GPRC5B: variants seen among roughly 807,000 people sequenced by gnomAD.
GPRC5B encodes G protein-coupled receptor class C group 5 member B, also known as G protein-coupled receptor family C group 5 member B.
A neutral mutation model predicts 30.1 loss-of-function variants in GPRC5B; 16 were observed. The observed-to-expected ratio is 0.53, with a 90% confidence interval of 0.36 to 0.81. The LOEUF is 0.81. GPRC5B is among the 30% of genes least tolerant of loss of function. The pLI is 0.01. For synonymous variants in GPRC5B, 241 were observed against 239.5 expected (o/e 1.01, Z -0.06); for missense variants, 428 against 544.7 (o/e 0.79, Z 2.13).
chr16:19,872,240 C>T lies in GPRC5B; in HGVS notation c.606G>A (p.Met202Ile). The T allele has an allele frequency of 6.2e-7, 1 of 1,614,172 alleles. No individual in the cohort carries two copies. The highest frequency in any genetic ancestry group is 8.5e-7 in the Non-Finnish European group (1 of 1,180,030). ...ACAYEPMDFV[M>I]ALIYDMVLLV... ...GCAGTACCATGTCGTAGATGAGGGCCATCACAAAGTCCATGGGCTCGTAGG... is the reference window on the plus strand; with the variant it reads ...GCAGTACCATGTCGTAGATGAGGGCTATCACAAAGTCCATGGGCTCGTAGG... Residue 202 changes from methionine to isoleucine, a missense_variant, in exon 2 of 4, where the codon ATG (methionine) becomes ATA (isoleucine). This residue lies in a region of GPRC5B where 196 missense variants were observed against 272.6 expected (regional missense o/e 0.72). Transcript: ENST00000300571. This position sits in a 1 kb window ranked among gnomAD's most constrained non-coding sequence, Gnocchi z 5.0.
chr16:19,870,330 G>C (rs2056705730), intron 2 of GPRC5B, among the ~76,000 whole-genome samples: 1 of 152,160 alleles, frequency 6.6e-6, no homozygotes, highest in South Asian at 2.1e-4. Flanking sequence ...GAAACCACCT[G>C]CACTGGAGCC....
chr16:19,880,309 C>T (rs1349794911), intron 1 of GPRC5B, among the ~76,000 whole-genome samples: 3 of 150,790 alleles, frequency 2.0e-5, no homozygotes, highest in Admixed American at 1.3e-4. Flanking sequence ...ATTTGTCCAC[C>T]GCTGGTTTCC....
At position 19,877,770 on chromosome 16, in the gene GPRC5B, G is replaced by T. The variant is rs372419677; in HGVS notation, c.-1-4924C>A. 9.2e-5 allele frequency among the ~76,000 whole-genome samples: 14 copies of T among 152,276 alleles called. No homozygotes were observed. In the East Asian group the frequency reaches 2.5e-3, roughly 27 times the overall value. On this transcript the variant is annotated intron_variant, in intron 1 of 3. Coordinates refer to ENST00000300571, the MANE Select transcript of GPRC5B (RefSeq NM_016235.3). The stretch of plus-strand genomic sequence containing the variant: ...AGGGAAGACAGCAGGCTTGTCCAAG[G>T]TCACGCAGCTACAAAGGGGAGAGGC...
Position 19,872,897 on chromosome 16 carries a change from T to G in GPRC5B, c.-1-51A>C. On this transcript the variant is annotated intron_variant, in intron 1 of 3. Coordinates refer to ENST00000300571, the MANE Select transcript of GPRC5B (RefSeq NM_016235.3). The surrounding 1 kb of genome is among the most constrained non-coding windows in gnomAD (Gnocchi z 5.0). ...TGGGGGGAAGGAAAGATGAATTCAT[T>G]GGAAGACTCCCCCTCTCCTGACTTC... is the stretch of plus-strand genomic sequence containing the variant. The G allele has an allele frequency of 2.2e-6, 3 of 1,341,138 alleles. No individual in the cohort carries two copies. The highest frequency in any genetic ancestry group is 3.2e-6 in the Non-Finnish European group (3 of 950,310). The allele number at this position is 1,341,138 out of a possible 1,614,324, so 83.1% of individuals were successfully genotyped here.
rs1376157554 is a variant in GPRC5B at position 19,857,430 on chromosome 16, ATTTC to A, written c.*3066_*3069del. Reference sequence around the variant, plus strand: ...TATGGTACATATTGATTGTCTTGAAATTTCTTTAACTTCTTTTTTATAAGTATGC... The same window carrying A: ...TATGGTACATATTGATTGTCTTGAAATTTAACTTCTTTTTTATAAGTATGC... On this transcript the variant is annotated 3_prime_UTR_variant, in exon 4 of 4. Transcript: ENST00000300571. The A allele has an allele frequency of 4.5e-6, 2 of 440,394 alleles. No homozygotes were observed. The highest frequency in any genetic ancestry group is 7.2e-5 in the East Asian group (1 of 13,986). The allele number at this position is 440,394 out of a possible 1,614,324, so 27.3% of individuals were successfully genotyped here.
chr16:19,875,602 A>T (rs2056754353), intron 1 of GPRC5B, among the ~76,000 whole-genome samples: 1 of 151,988 alleles, frequency 6.6e-6, no homozygotes, highest in African/African-American at 2.4e-5. Context: ...GTATGGTGAA[A>T]CCCTGTCTCT....
At chr16:19,861,603 C>G (rs1334929207) in intron 3 of GPRC5B, among the ~76,000 whole-genome samples, 1 of 152,202 alleles carries the variant, frequency 6.6e-6, no homozygotes, top group East Asian at 1.9e-4. Flanking sequence ...GGATTACAAA[C>G]TCTTTCAAAC....
In GPRC5B at chr16:19,856,873, G is replaced by C. The variant is rs2056569350; in HGVS notation, c.*3627C>G. ...CTCTAGTCCCAAGGAATACAGAAGT[G>C]CTCTTATTACCAGTTTTCCCACTTG... On this transcript the variant is annotated 3_prime_UTR_variant, in exon 4 of 4. Transcript: ENST00000300571. 1 of 242,060 alleles carries C rather than the reference G, an allele frequency of 4.1e-6. No homozygotes were observed. Among genetic ancestry groups the C allele is most frequent in the African/African-American group, 2.3e-5 (1 of 43,932 alleles). The allele number at this position is 242,060 out of a possible 1,614,324, so 15.0% of individuals were successfully genotyped here.
rs2056571137 is a variant in GPRC5B at position 19,857,013 on chromosome 16, A to T, written c.*3487T>A. 6.0e-6 allele frequency: 1 copy of T among 167,066 alleles called. No homozygotes were observed. Among genetic ancestry groups the T allele is most frequent in the African/African-American group, 2.4e-5 (1 of 41,550 alleles). 10.3% of individuals were successfully genotyped at this position (167,066 alleles called of 1,614,324 possible). ...TATAAAAAAGACCTTATACTTAATGATCATTTCCAAAGGAGACCACTCCTT... is the reference window on the plus strand; with the variant it reads ...TATAAAAAAGACCTTATACTTAATGTTCATTTCCAAAGGAGACCACTCCTT... On this transcript the variant is annotated 3_prime_UTR_variant, in exon 4 of 4. Transcript: ENST00000300571.
chr16:19,871,281 CAAAAAAAAAA>C (rs71375667), intron 2 of GPRC5B, among the ~76,000 whole-genome samples: 1 of 70,378 alleles, frequency 1.4e-5, no homozygotes, highest in Non-Finnish European at 2.6e-5. Flanking sequence ...GACCCTGTCT[CAAAAAAAAAA>C]AAAAAAAAAG....
chr16:19,883,620 G>GC (rs1038215919), intron 1 of GPRC5B, among the ~76,000 whole-genome samples: 1 of 152,234 alleles, frequency 6.6e-6, no homozygotes, highest in Non-Finnish European at 1.5e-5. Flanking sequence ...CTGTTCAGGT[G>GC]CCCCCCGGCC....
At position 19,872,350 on chromosome 16, in the gene GPRC5B, C is replaced by G; in HGVS notation, c.496G>C (p.Ala166Pro). The stretch of plus-strand genomic sequence containing the variant: ...ACTTGCACCAGCATCAGGCACAGCG[C>G]CAGGCCCACCAGCTGCCAGCCCGCG... ...GPAGWQLVGL[A>P]LCLMLVQVII... The change falls in exon 2 of 4, where the codon GCG (alanine) becomes CCG (proline). Residue 166 changes from alanine (A) to proline (P), a missense_variant. Physicochemically the swap from Ala to Pro is conservative, Grantham distance 27. Around this residue, in one of 3 missense-constraint regions of GPRC5B, gnomAD observed 196 missense variants for 272.6 expected, o/e 0.72. Transcript: ENST00000300571. The surrounding 1 kb of genome is among the most constrained non-coding windows in gnomAD (Gnocchi z 5.0). The G allele has an allele frequency of 6.2e-7, 1 of 1,613,834 alleles. No individual in the cohort carries two copies. Among genetic ancestry groups the G allele is most frequent in the South Asian group, 1.1e-5 (1 of 91,066 alleles).
chr16:19,874,035 G>A (rs964580640), intron 1 of GPRC5B, among the ~76,000 whole-genome samples: 3 of 152,084 alleles, frequency 2.0e-5, no homozygotes, highest in Admixed American at 1.3e-4. Context: ...CACCCGCCTC[G>A]GCCTCCCAAA....
intron 1 of GPRC5B, among the ~76,000 whole-genome samples, chr16:19,877,708 T>A (rs2056769349): frequency 6.6e-6 from 1 of 152,238 alleles, no homozygotes; most frequent in Admixed American, 6.5e-5. Context: ...GTAAGTACTA[T>A]TACTATCTCC....
chr16:19,860,456 C>A lies in GPRC5B; in HGVS notation c.*44G>T. ...CTCAAGAAAGACACAGCCAGGGAGG[C>A]AAATCGGTAAGAGAAATTCTGATTC... On this transcript the variant is annotated 3_prime_UTR_variant, in exon 4 of 4. Transcript: ENST00000300571. 1.6e-6 allele frequency: 2 copies of A among 1,265,022 alleles called. No homozygotes were observed. The highest frequency in any genetic ancestry group is 2.3e-6 in the Non-Finnish European group (2 of 863,934). The allele number at this position is 1,265,022 out of a possible 1,614,324, so 78.4% of individuals were successfully genotyped here. A position where few individuals can be genotyped will look rare whatever the true frequency, so the allele number is the denominator to read the frequency against.
rs2056611768 is a variant in GPRC5B at position 19,860,446 on chromosome 16, G to A, written c.*54C>T. The stretch of plus-strand genomic sequence containing the variant: ...CGATTTCTCCCTCAAGAAAGACACA[G>A]CCAGGGAGGCAAATCGGTAAGAGAA... On this transcript the variant is annotated 3_prime_UTR_variant, in exon 4 of 4. Coordinates refer to ENST00000300571, the MANE Select transcript of GPRC5B (RefSeq NM_016235.3). The A allele has an allele frequency of 8.9e-7, 1 of 1,126,774 alleles. No homozygotes were observed. The highest frequency in any genetic ancestry group is 1.7e-5 in the Admixed American group (1 of 58,232). The allele number at this position is 1,126,774 out of a possible 1,614,324, so 69.8% of individuals were successfully genotyped here.
intron 1 of GPRC5B, among the ~76,000 whole-genome samples, chr16:19,883,890 G>A (rs936202189): frequency 6.6e-6 from 1 of 152,242 alleles, no homozygotes; most frequent in Admixed American, 6.5e-5. Flanking sequence ...GGGCCAAGGC[G>A]GGTGCGGGCT....
chr16:19,871,654 A>T (rs550367780), intron 2 of GPRC5B, among the ~76,000 whole-genome samples, 162 bp downstream of exon 2: 1 of 152,138 alleles, frequency 6.6e-6, no homozygotes, highest in African/African-American at 2.4e-5. Flanking sequence ...ACCCAAACCC[A>T]TATCTGGGTC....
At chr16:19,878,224 C>CAAAA (rs545751657) in intron 1 of GPRC5B, among the ~76,000 whole-genome samples, 5 of 145,006 alleles carry the variant, frequency 3.4e-5, no homozygotes, top group East Asian at 2.2e-4. Flanking sequence ...AACAAACAAA[C>CAAAA]AAAAAAACCC....
Sources: gnomAD v4.1 joint callset for allele counts (sites outside exome capture counted in the v4.1 genomes callset) on GRCh38, gnomAD v4.1.1 for gene constraint, gnomAD v4.1.1 regional missense constraint, Gnocchi (gnomAD v3.1) non-coding constraint, MANE v1.5 for transcripts, NCBI Gene and HGNC (gene_info 2026-07-23, HGNC 2026-07-21) for gene names.